The following IFT80 variants were observed in gnomAD, a reference collection of about 807,000 sequenced individuals.
IFT80 encodes the protein intraflagellar transport 80.
In IFT80, 79 loss-of-function variants were observed where a neutral mutation model predicts 107.9. The observed-to-expected ratio is 0.73, with a 90% CI of 0.61 to 0.88. IFT80 has a LOEUF of 0.88. Among genes scored for constraint, IFT80 ranks in the 40% least tolerant of loss-of-function variants. The pLI, the probability that IFT80 is intolerant of heterozygous loss-of-function variation, is 0.00. For synonymous variants in IFT80, 299 were observed against 300.9 expected, an observed-to-expected ratio of 0.99 and a Z score of 0.07; for missense variants, 797 against 914.2, an observed-to-expected ratio of 0.87 and a Z score of 1.65.
intron 18 of IFT80, among the ~76,000 whole-genome samples, chr3:160,274,248 A>G (rs565189335): frequency 7.9e-5 from 12 of 152,300 alleles, no homozygotes; most frequent in Non-Finnish European, 1.6e-4. Context: ...TAGAGTGGAG[A>G]GAATAAATTG....
intron 14 of IFT80, 98 bp downstream of exon 14, chr3:160,282,380 A>G: frequency 1.1e-6 from 1 of 894,678 alleles, no homozygotes; most frequent in South Asian, 1.7e-5. Context: ...TTACAAGATC[A>G]AAACATTAAA....
intron 8 of IFT80, among the ~76,000 whole-genome samples, chr3:160,335,682 A>G (rs1719418417): frequency 6.7e-6 from 1 of 150,232 alleles, no homozygotes; most frequent in South Asian, 2.1e-4. Context: ...GATGTCACAT[A>G]TTATATAATT....
At chr3:160,275,317 A>G (rs1714172266) in intron 18 of IFT80, among the ~76,000 whole-genome samples, 1 of 152,186 alleles carries the variant, frequency 6.6e-6, no homozygotes, top group African/African-American at 2.4e-5. Flanking sequence ...GTATCAATCT[A>G]AAAGGAGGAA....
intron 19 of IFT80, among the ~76,000 whole-genome samples, chr3:160,264,258 T>TGCC (rs1376084939): frequency 6.7e-6 from 1 of 148,644 alleles, no homozygotes; most frequent in East Asian, 2.0e-4. Flanking sequence ...TACAGGTACA[T>TGCC]GCCACCATGC....
rs1468017879 is a variant in IFT80 at position 160,357,529 on chromosome 3, T to A, written c.599A>T (p.Asn200Ile). 3 of 1,598,420 alleles carry A rather than the reference T, an allele frequency of 1.9e-6. No individual in the cohort carries two copies. The highest frequency in any genetic ancestry group is 2.6e-6 in the Non-Finnish European group (3 of 1,166,130). Residue 200 changes from asparagine (N) to isoleucine (I), a missense_variant, in exon 7 of 20, where the codon AAT becomes ATT. Coordinates refer to ENST00000326448, the MANE Select transcript of IFT80 (RefSeq NM_020800.3). ...IILKVDWNSV[N>I]DLILSAGEDC... ...TTCACCAGCAGATAAAATAAGATCATTGACCGAGTTCCAATCTACTTTTAA... is the reference window on the plus strand; with the variant it reads ...TTCACCAGCAGATAAAATAAGATCAATGACCGAGTTCCAATCTACTTTTAA...
At chr3:160,340,414 A>G (rs1719811382) in intron 8 of IFT80, among the ~76,000 whole-genome samples, 1 of 152,198 alleles carries the variant, frequency 6.6e-6, no homozygotes, top group Admixed American at 6.5e-5. Context: ...TCTAAGTCAT[A>G]AACACAATAT....
chr3:160,263,398 T>C (rs930786869), intron 19 of IFT80, among the ~76,000 whole-genome samples: 6 of 152,216 alleles, frequency 3.9e-5, no homozygotes, highest in African/African-American at 1.4e-4. Context: ...ATTCTCTTGA[T>C]TACAAATCTC....
chr3:160,329,370 T>C lies in IFT80; in HGVS notation c.778-9431A>G, dbSNP rs548812147. ...TGAGACAGCTGCCCTGGGTGTAATT[T>C]AGTGGTACTGGCAGTGAGAACCCTG... On this transcript the variant is annotated intron_variant, in intron 8 of 19. Coordinates refer to ENST00000326448, the MANE Select transcript of IFT80 (RefSeq NM_020800.3). 5.9e-5 allele frequency among the ~76,000 whole-genome samples: 9 copies of C among 152,326 alleles called. No individual in the cohort carries two copies. The South Asian group carries it at 1.9e-3, about 32-fold the overall frequency.
At chr3:160,290,915 G>A (rs2108250704) in intron 12 of IFT80, among the ~76,000 whole-genome samples, 1 of 152,212 alleles carries the variant, frequency 6.6e-6, no homozygotes, top group Non-Finnish European at 1.5e-5. Context: ...ATATTATGCG[G>A]ACTGATATTA....
At chr3:160,292,475 CTTTTTT>C (rs142116230) in intron 12 of IFT80, among the ~76,000 whole-genome samples, 2 of 115,362 alleles carry the variant, frequency 1.7e-5, no homozygotes, top group East Asian at 2.2e-4. Flanking sequence ...AGAGAGATTC[CTTTTTT>C]TTTTTTTTTT....
intron 9 of IFT80, among the ~76,000 whole-genome samples, chr3:160,312,645 T>A (rs1336395224): frequency 1.9e-5 from 1 of 53,694 alleles, no homozygotes; most frequent in Non-Finnish European, 3.3e-5. Context: ...TAAATATATA[T>A]TATATATAAA....
intron 13 of IFT80, among the ~76,000 whole-genome samples, chr3:160,284,906 TAA>T (rs556027115): frequency 1.0e-3 from 153 of 152,290 alleles, no homozygotes; most frequent in African/African-American, 3.4e-3. Flanking sequence ...GAAGAATATA[TAA>T]GAGATTAATA....
intron 1 of IFT80, among the ~76,000 whole-genome samples, chr3:160,397,716 C>CTTTTTTTTT (rs545413654): frequency 2.1e-5 from 2 of 96,596 alleles, no homozygotes; most frequent in African/African-American, 4.2e-5. Context: ...TTGGTCTATA[C>CTTTTTTTTT]TTTTTTTTTT....
At position 160,307,036 on chromosome 3, in the gene IFT80, T is replaced by C. The variant is rs565478839; in HGVS notation, c.1076+627A>G. Reference sequence around the variant, plus strand: ...CTATTTCTAACTCTTGAAAGTATTATAGTGGTTATGTGAGTTTTCTGGATA... The same window carrying C: ...CTATTTCTAACTCTTGAAAGTATTACAGTGGTTATGTGAGTTTTCTGGATA... On this transcript the variant is annotated intron_variant, in intron 10 of 19. Transcript: ENST00000326448. Among the ~76,000 whole-genome samples the C allele has an allele frequency of 1.2e-4, 18 of 152,316 alleles. No homozygotes were observed. The South Asian group carries it at 3.3e-3, about 28-fold the overall frequency.
At chr3:160,365,933 A>C in intron 6 of IFT80, 110 bp downstream of exon 6, 1 of 792,452 alleles carries the variant, frequency 1.3e-6, no homozygotes, top group Non-Finnish European at 2.3e-6. Flanking sequence ...ATGTACTTAA[A>C]GACCAGACTG....
rs1382999122 is a variant in IFT80, at chr3:160,324,807, G to A, written c.778-4868C>T. Among the ~76,000 whole-genome samples the A allele has an allele frequency of 1.8e-4, 28 of 152,072 alleles. 1 individual carries two copies. Among genetic ancestry groups the A allele is most frequent in the Admixed American group, 1.8e-3 (28 of 15,244 alleles). ...CAATTAGGCAGGAGAAGGAAATAAA[G>A]GGTATTCAATTAGGAAAAGAGGAAG... On this transcript the variant is annotated intron_variant, in intron 8 of 19. Coordinates refer to ENST00000326448, the MANE Select transcript of IFT80 (RefSeq NM_020800.3).
In IFT80 at chr3:160,300,975, T is replaced by C. The variant is rs1414422522; in HGVS notation, c.1223A>G (p.Lys408Arg). The change falls in exon 12 of 20, where the codon AAA becomes AGA. Residue 408 changes from lysine (K) to arginine (R), a missense_variant. Coordinates refer to ENST00000326448, the MANE Select transcript of IFT80 (RefSeq NM_020800.3). ...SYEGRFISSP[K>R]FPGMRTDILN... ...AATATCTGTTCTCATTCCAGGAAAT[T>C]TTGGAGATGAAATAAAGCGCCCTTC... The C allele has an allele frequency of 7.5e-6, 12 of 1,609,590 alleles. No homozygotes were observed. The highest frequency in any genetic ancestry group is 3.3e-4 in the Middle Eastern group (2 of 6,034).
intron 8 of IFT80, among the ~76,000 whole-genome samples, chr3:160,353,072 A>C (rs1720829118): frequency 6.6e-6 from 1 of 152,128 alleles, no homozygotes; most frequent in African/African-American, 2.4e-5. Flanking sequence ...TAAACTCCAA[A>C]CTATTGTGGC....
intron 18 of IFT80, among the ~76,000 whole-genome samples, chr3:160,269,465 T>C (rs1713633744): frequency 6.6e-6 from 1 of 152,180 alleles, no homozygotes; most frequent in African/African-American, 2.4e-5. Flanking sequence ...CAGGAAAAGT[T>C]GACAGTCATT....
Sources: allele counts gnomAD v4.1 joint callset (sites outside exome capture counted in the v4.1 genomes callset), GRCh38; gene constraint gnomAD v4.1.1; transcripts MANE v1.5; gene names NCBI Gene and HGNC (gene_info 2026-07-23, HGNC 2026-07-21).